Variants in PCM1 observed in about 807,000 individuals in gnomAD.
PCM1 encodes the protein pericentriolar material 1.
A neutral mutation model predicts 241.9 loss-of-function variants in PCM1; 157 were observed. The ratio of observed to expected loss-of-function variants is 0.65; its 90% CI spans 0.57 to 0.74. The LOEUF (loss-of-function observed/expected upper bound fraction) is 0.74. Ranked by LOEUF, PCM1 falls within the 30% of genes least tolerant of loss-of-function variation. The pLI is 0.00. For synonymous variants in PCM1, 1,085 were observed against 784.9 expected, an observed-to-expected ratio of 1.38 and a Z score of -6.39; for missense variants, 3,478 against 2,360.1, an observed-to-expected ratio of 1.47 and a Z score of -9.81.
chr8:17,938,164 C>T (rs1282353023), intron 4 of PCM1, among the ~76,000 whole-genome samples: 1 of 152,096 alleles, frequency 6.6e-6, no homozygotes, highest in Non-Finnish European at 1.5e-5. Flanking sequence ...ATACGAAAAT[C>T]CGAAATGCTC....
Position 17,964,773 on chromosome 8 carries a change from G to T in PCM1, c.2855+5G>T. The T allele has an allele frequency of 6.2e-7, 1 of 1,605,552 alleles. No individual in the cohort carries two copies. ...TGGAAAGGAAACTAAAAATAGGTTA[G>T]TTTCAGTATTTTAATTTTGTGCTTA... is the stretch of plus-strand genomic sequence containing the variant. On this transcript the variant is annotated splice_donor_5th_base_variant and intron_variant, in intron 18 of 38. Coordinates refer to ENST00000325083, the MANE Select transcript of PCM1 (RefSeq NM_006197.4).
chr8:17,980,721 A>G lies in PCM1; in HGVS notation c.4074A>G (p.Ile1358Met), dbSNP rs1041760784. ...AGAATCATGAGCAACTGGAAAAAAT[A>G]ATAAAATGTAATAGGTCTACAGAAA... Reference protein sequence around the residue: ...SRKNHEQLEKIIKCNRSTEIS... With the variant: ...SRKNHEQLEKMIKCNRSTEIS... Residue 1358 changes from isoleucine to methionine, a missense_variant, in exon 24 of 39, where the codon ATA (isoleucine) becomes ATG (methionine). Physicochemically the swap from Ile to Met is conservative, Grantham distance 10 (BLOSUM62 1). Transcript: ENST00000325083. 2 of 1,611,422 alleles carry G rather than the reference A, an allele frequency of 1.2e-6. No individual in the cohort carries two copies. The highest frequency in any genetic ancestry group is 8.5e-7 in the Non-Finnish European group (1 of 1,179,108).
chr8:17,959,935 CTA>C lies in PCM1; in HGVS notation c.2041-78_2041-77del, dbSNP rs2070872253. On this transcript the variant is annotated intron_variant, in intron 13 of 38. Coordinates refer to ENST00000325083, the MANE Select transcript of PCM1 (RefSeq NM_006197.4). ...AATCTTTTTATGTAAATTTTACAGA[CTA>C]GTGGTATTTACTAAGGTATGAATTG... The C allele has an allele frequency of 6.1e-6, 8 of 1,320,556 alleles. No individual in the cohort carries two copies. In the Middle Eastern group the frequency reaches 5.5e-4, roughly 90 times the overall value. 81.8% of individuals were successfully genotyped at this position (1,320,556 alleles called of 1,614,324 possible). A position where few individuals can be genotyped will look rare whatever the true frequency, so the allele number is the denominator to read the frequency against.
Position 17,991,659 on chromosome 8 carries a change from G to A in PCM1, c.4649G>A (p.Gly1550Glu). 1 of 1,563,224 alleles carries A rather than the reference G, an allele frequency of 6.4e-7. No homozygotes were observed. ...MRCTCRIIED[G>E]DGAGAGTTVN... ...TGCACCTGCAGGATTATTGAGGATGGAGATGGTGCTGGTGCAGGTACTACA... is the reference window on the plus strand; with the variant it reads ...TGCACCTGCAGGATTATTGAGGATGAAGATGGTGCTGGTGCAGGTACTACA... The change falls in exon 28 of 39, where the codon GGA becomes GAA. Residue 1550 changes from glycine (G) to glutamate (E), a missense_variant. Physicochemically the swap from Gly to Glu is moderately conservative, Grantham distance 98 (BLOSUM62 -2). Coordinates refer to ENST00000325083, the MANE Select transcript of PCM1 (RefSeq NM_006197.4).
chr8:17,950,535 A>T (rs549686966), intron 7 of PCM1, 80 bp from the exon 8 acceptor site: 4 of 738,514 alleles, frequency 5.4e-6, no homozygotes, highest in African/African-American at 1.8e-5. Flanking sequence ...TTCTTTTTTT[A>T]AATTTATTTT....
At position 18,009,579 on chromosome 8, in the gene PCM1, GA is replaced by G; in HGVS notation, c.4998del (p.Asp1667ThrfsTer8). 1 of 1,602,066 alleles carries G rather than the reference GA, an allele frequency of 6.2e-7. No individual in the cohort carries two copies. Among genetic ancestry groups the G allele is most frequent in the Non-Finnish European group, 8.5e-7 (1 of 1,173,684 alleles). On this transcript the variant is annotated frameshift_variant, in exon 31 of 39. Coordinates refer to ENST00000325083, the MANE Select transcript of PCM1 (RefSeq NM_006197.4). LOFTEE classifies it high-confidence loss of function. ...SLAKFAGRKL[K>X]DCGEDLLVEI... ...TGGCAAAATTTGCTGGCAGAAAACT[GA>G]AAGACTGTGGAGAAGATCTTCTTGT...
intron 6 of PCM1, among the ~76,000 whole-genome samples, chr8:17,940,524 G>A (rs752259521): frequency 6.6e-6 from 1 of 152,184 alleles, no homozygotes; most frequent in African/African-American, 2.4e-5. Context: ...TACTTAGCAT[G>A]TAGTCTTTTG....
chr8:17,966,501 C>G (rs767610734), intron 20 of PCM1, 28 bp downstream of exon 20: 2 of 1,603,930 alleles, frequency 1.2e-6, no homozygotes, highest in Middle Eastern at 1.7e-4. Flanking sequence ...AGTATTGAGA[C>G]TGTATAAGAG....
At position 17,961,905 on chromosome 8, in the gene PCM1, G is replaced by A. The variant is rs1586935832; in HGVS notation, c.2323-129G>A. 7.8e-6 allele frequency: 5 copies of A among 639,452 alleles called. No homozygotes were observed. In the East Asian group the frequency reaches 1.6e-4, roughly 20 times the overall value. The allele number at this position is 639,452 out of a possible 1,614,324, so 39.6% of individuals were successfully genotyped here. A position where few individuals can be genotyped will look rare whatever the true frequency, so the allele number is the denominator to read the frequency against. On this transcript the variant is annotated intron_variant, in intron 15 of 38. Coordinates refer to ENST00000325083, the MANE Select transcript of PCM1 (RefSeq NM_006197.4). Reference sequence around the variant, plus strand: ...TTCATGTTATCTTCGGATGATGATGGAAGTCAGGGTCTGATAGCAGATTAA... The same window carrying A: ...TTCATGTTATCTTCGGATGATGATGAAAGTCAGGGTCTGATAGCAGATTAA...
At position 18,005,580 on chromosome 8, in the gene PCM1, T is replaced by C. The variant is rs528213297; in HGVS notation, c.4828-683T>C. ...TACTTGATATCGATGATTTATGGAC[T>C]CAACCTCAGAAAGTTAACCATGATT... On this transcript the variant is annotated intron_variant, in intron 29 of 38. Coordinates refer to ENST00000325083, the MANE Select transcript of PCM1 (RefSeq NM_006197.4). Among the ~76,000 whole-genome samples, 98 of 152,286 alleles carry C rather than the reference T, an allele frequency of 6.4e-4. 1 individual carries two copies. The highest frequency in any genetic ancestry group is 3.1e-3 in the Admixed American group (47 of 15,290).
intron 28 of PCM1, 102 bp downstream of exon 28, chr8:17,991,802 GC>G: frequency 1.2e-6 from 1 of 809,488 alleles, no homozygotes; most frequent in Non-Finnish European, 2.0e-6. Flanking sequence ...TGCACCCATC[GC>G]CTGAGCAGTA....
chr8:17,930,120 T>C (rs1192150271), intron 2 of PCM1, among the ~76,000 whole-genome samples: 1 of 143,618 alleles, frequency 7.0e-6, no homozygotes, highest in Non-Finnish European at 1.5e-5. Context: ...TTTTTTTTTT[T>C]TGAGACAGAG....
intron 7 of PCM1, among the ~76,000 whole-genome samples, chr8:17,949,291 G>C (rs1419257897): frequency 6.6e-6 from 1 of 151,980 alleles, no homozygotes; most frequent in Non-Finnish European, 1.5e-5. Flanking sequence ...ATTATCTTGG[G>C]ATAATTATGT....
intron 18 of PCM1, 67 bp from the exon 19 acceptor site, chr8:17,965,932 T>G: frequency 1.9e-6 from 2 of 1,080,104 alleles, no homozygotes; most frequent in Non-Finnish European, 2.7e-6. Flanking sequence ...AGTATCAGAG[T>G]TTATTGCTGT....
chr8:17,931,530 C>T (rs984900059), intron 2 of PCM1, among the ~76,000 whole-genome samples: 4 of 152,060 alleles, frequency 2.6e-5, no homozygotes, highest in Admixed American at 6.5e-5. Flanking sequence ...CTTGTGGTAA[C>T]GCCGACCTTG....
intron 2 of PCM1, among the ~76,000 whole-genome samples, chr8:17,932,369 A>C (rs553212645): frequency 5.9e-5 from 9 of 152,274 alleles, no homozygotes; most frequent in Admixed American, 2.0e-4. Flanking sequence ...GCTTTCCAGA[A>C]ATGTTATACT....
intron 29 of PCM1, among the ~76,000 whole-genome samples, chr8:18,004,024 A>G (rs958659299): frequency 1.3e-5 from 2 of 151,678 alleles, no homozygotes; most frequent in Middle Eastern, 3.4e-3. Flanking sequence ...TATTTATTTG[A>G]TATGTACAGT....
At chr8:17,971,039 GAGCAACC>G (rs2076680376) in intron 22 of PCM1, among the ~76,000 whole-genome samples, 1 of 152,198 alleles carries the variant, frequency 6.6e-6, no homozygotes, top group African/African-American at 2.4e-5. Flanking sequence ...TTTTGCACAA[GAGCAACC>G]ATAGGCAATA....
At chr8:17,960,842 A>C (rs116545586) in intron 15 of PCM1, among the ~76,000 whole-genome samples, 1,637 of 152,174 alleles carry the variant, frequency 0.011, 33 homozygotes, top group African/African-American at 0.038. Context: ...TTAAGGTGAC[A>C]GAATTATATC....
Sources: allele counts gnomAD v4.1 joint callset (sites outside exome capture counted in the v4.1 genomes callset), GRCh38; gene constraint gnomAD v4.1.1; transcripts MANE v1.5; gene names NCBI Gene and HGNC (gene_info 2026-07-23, HGNC 2026-07-21).